Variants in RHPN2 observed in about 807,000 individuals in gnomAD.
The protein encoded by RHPN2 is rhophilin-2.
A neutral mutation model predicts 79.0 loss-of-function variants in RHPN2; 40 were observed. The observed-to-expected ratio is 0.51, with a 90% CI of 0.39 to 0.66. The LOEUF is 0.66. RHPN2 is among the 30% of genes least tolerant of loss of function. The pLI is 0.00. For missense variants in RHPN2, 686 were observed against 883.5 expected (o/e 0.78, Z 2.83); for synonymous variants, 285 against 363.5 (o/e 0.78, Z 2.46).
At position 32,994,953 on chromosome 19, in the gene RHPN2, T is replaced by C. The variant is rs142182045; in HGVS notation, c.1421-900A>G. ...GGTGAGACAAGAGCGAAATGACCTC[T>C]CAAAAACAAACAAACAAACAAAAAA... is the stretch of plus-strand genomic sequence containing the variant. On this transcript the variant is annotated intron_variant, in intron 11 of 14. Coordinates refer to ENST00000254260, the MANE Select transcript of RHPN2 (RefSeq NM_033103.5). 7.9e-3 allele frequency among the ~76,000 whole-genome samples: 1,208 copies of C among 152,208 alleles called. 16 individuals carry two copies. Among genetic ancestry groups the C allele is most frequent in the African/African-American group, 0.026 (1,084 of 41,542 alleles).
intron 10 of RHPN2, 192 bp from the exon 11 acceptor site, chr19:32,996,412 T>C: frequency 1.6e-6 from 1 of 642,984 alleles, no homozygotes; most frequent in Admixed American, 2.3e-5. Flanking sequence ...CAGACTCCAT[T>C]TTAGTTTCTT....
intron 4 of RHPN2, among the ~76,000 whole-genome samples, chr19:33,016,188 T>G (rs1404236178): frequency 2.0e-5 from 3 of 152,156 alleles, no homozygotes; most frequent in Admixed American, 2.0e-4. Flanking sequence ...AGATGTTATT[T>G]CATTTTCTTT....
intron 14 of RHPN2, among the ~76,000 whole-genome samples, chr19:32,988,600 C>G (rs1971629828): frequency 6.6e-6 from 1 of 152,192 alleles, no homozygotes; most frequent in African/African-American, 2.4e-5. Context: ...TCTTACCTCA[C>G]TTCCCATGGC....
chr19:33,007,292 G>A (rs150715141), intron 7 of RHPN2, among the ~76,000 whole-genome samples: 2,047 of 152,086 alleles, frequency 0.013, 51 homozygotes, highest in Non-Finnish European at 0.013. Flanking sequence ...TTCGAGACCA[G>A]CCTGGCCAGC....
intron 4 of RHPN2, among the ~76,000 whole-genome samples, chr19:33,018,352 A>G (rs984777392): frequency 6.6e-6 from 1 of 151,694 alleles, no homozygotes; most frequent in African/African-American, 2.4e-5. Flanking sequence ...AGAGAGAGAG[A>G]GAGACAAGGT....
chr19:33,063,256 T>C (rs1363194262), intron 1 of RHPN2, among the ~76,000 whole-genome samples: 2 of 150,566 alleles, frequency 1.3e-5, no homozygotes, highest in African/African-American at 4.9e-5. Context: ...AACTTAAATA[T>C]ACCTCAAAAC....
In RHPN2 at chr19:33,011,703, C is replaced by G. The variant is rs370371186; in HGVS notation, c.569G>C (p.Arg190Pro). ...CCAGGTGAACAGGAGTCCCATCTGC[C>G]GTGTGGGCGGGAAGAATCGACTCTC... The part of the protein sequence containing the change: ...FVESRFFPPT[R>P]QMGLLFTWYD... The change falls in exon 6 of 15, where the codon CGG (arginine) becomes CCG (proline). Residue 190 changes from arginine (R) to proline (P), a missense_variant. Arg to Pro is a moderately radical substitution (Grantham distance 103). Coordinates refer to ENST00000254260, the MANE Select transcript of RHPN2 (RefSeq NM_033103.5). 3 of 1,613,770 alleles carry G rather than the reference C, an allele frequency of 1.9e-6. No individual in the cohort carries two copies. The highest frequency in any genetic ancestry group is 2.2e-5 in the South Asian group (2 of 91,068).
intron 4 of RHPN2, among the ~76,000 whole-genome samples, chr19:33,014,341 T>G (rs897094073): frequency 2.0e-5 from 3 of 152,082 alleles, no homozygotes; most frequent in African/African-American, 7.2e-5. Context: ...GGTCTTGCTC[T>G]GTCGTCCAGG....
At chr19:33,040,985 G>A (rs979158838) in intron 2 of RHPN2, among the ~76,000 whole-genome samples, 6 of 152,088 alleles carry the variant, frequency 3.9e-5, no homozygotes, top group Non-Finnish European at 8.8e-5. Context: ...TGAAAAAAGT[G>A]CATTTGAAAT....
intron 2 of RHPN2, among the ~76,000 whole-genome samples, chr19:33,033,059 AG>A (rs1972025805): frequency 6.6e-6 from 1 of 152,206 alleles, no homozygotes; most frequent in African/African-American, 2.4e-5. Context: ...AAATGAGGGA[AG>A]ATAAATAATT....
intron 14 of RHPN2, among the ~76,000 whole-genome samples, chr19:32,985,852 G>A (rs182363604): frequency 2.6e-5 from 4 of 152,252 alleles, no homozygotes; most frequent in East Asian, 1.9e-4. Context: ...GGATGGTCTC[G>A]AACTCCTGGC....
chr19:33,057,119 CA>C (rs35713211), intron 1 of RHPN2, among the ~76,000 whole-genome samples: 41,195 of 95,698 alleles, frequency 0.43, 7,762 homozygotes, highest in African/African-American at 0.62. Flanking sequence ...GACTCTGTCT[CA>C]AAAAAAAAAA....
chr19:33,000,047 T>A (rs563155126), intron 9 of RHPN2, among the ~76,000 whole-genome samples: 1 of 152,014 alleles, frequency 6.6e-6, no homozygotes. Context: ...ATTTTTAAAT[T>A]TTTTTGTAAA....
chr19:33,008,315 G>A lies in RHPN2; in HGVS notation c.594-135C>T, dbSNP rs1599815970. ...TGCCCAGGCTGGAGTGCAGTGGTGT[G>A]ATCATAGCTTACTGCAGCCTTCAAC... On this transcript the variant is annotated intron_variant, in intron 6 of 14. Transcript: ENST00000254260. 2.9e-5 allele frequency: 24 copies of A among 841,738 alleles called. No homozygotes were observed. In the East Asian group the frequency reaches 6.3e-4, roughly 22 times the overall value. The allele number at this position is 841,738 out of a possible 1,614,324, so 52.1% of individuals were successfully genotyped here. A position where few individuals can be genotyped will look rare whatever the true frequency, so the allele number is the denominator to read the frequency against.
chr19:33,005,187 G>A (rs1971780077), intron 7 of RHPN2, among the ~76,000 whole-genome samples: 1 of 151,592 alleles, frequency 6.6e-6, no homozygotes, highest in Non-Finnish European at 1.5e-5. Flanking sequence ...GCCGAGGTGG[G>A]CGGATCACCT....
intron 4 of RHPN2, among the ~76,000 whole-genome samples, chr19:33,017,339 A>C (rs1206964183): frequency 6.6e-6 from 1 of 151,518 alleles, no homozygotes; most frequent in Non-Finnish European, 1.5e-5. Context: ...GTGCCATTGG[A>C]CTCCAGCCTG....
chr19:33,056,078 T>C (rs1221126019), intron 1 of RHPN2, among the ~76,000 whole-genome samples: 1 of 151,770 alleles, frequency 6.6e-6, no homozygotes, highest in African/African-American at 2.4e-5. Flanking sequence ...TCTAGTTTGT[T>C]TCCAGCTGCT....
At chr19:33,015,975 G>C (rs1971874317) in intron 4 of RHPN2, among the ~76,000 whole-genome samples, 1 of 151,984 alleles carries the variant, frequency 6.6e-6, no homozygotes, top group African/African-American at 2.4e-5. Context: ...ACTTGGACCT[G>C]GGGGGCAGAG....
At chr19:33,004,442 A>G (rs1971774771) in intron 7 of RHPN2, among the ~76,000 whole-genome samples, 1 of 152,184 alleles carries the variant, frequency 6.6e-6, no homozygotes, top group Admixed American at 6.6e-5. Context: ...ACACTTAAAA[A>G]TGGTTAAAAT....
Sources: gnomAD v4.1 joint callset for allele counts (sites outside exome capture counted in the v4.1 genomes callset) on GRCh38, gnomAD v4.1.1 for gene constraint, MANE v1.5 for transcripts, NCBI Gene and HGNC (gene_info 2026-07-23, HGNC 2026-07-21) for gene names.